Variants in AHDC1 observed in about 807,000 individuals in gnomAD.
AHDC1 encodes transcription factor Gibbin.
AHDC1 carries 7 observed loss-of-function variants against 87.9 expected under a neutral mutation model. That is an observed-to-expected ratio of 0.08 (90% CI 0.05 to 0.15). AHDC1 has a LOEUF of 0.15. AHDC1 is among the 10% of genes least tolerant of loss of function. AHDC1 has a pLI of 1.00. For missense variants in AHDC1, 1,841 were observed against 2,253.2 expected, an observed-to-expected ratio of 0.82 and a Z score of 3.70; for synonymous variants, 1,051 against 1,006.8, an observed-to-expected ratio of 1.04 and a Z score of -0.83.
rs1465367577 is a variant in AHDC1 at position 27,598,071 on chromosome 1, C to T, written c.-629+5326G>A. ...GTTAGTCCTTCCAAGGGTGCCCACT[C>T]GCTCCCCAAGGCACCCTCCCCCAGG... On this transcript the variant is annotated intron_variant, in intron 3 of 8. Coordinates refer to ENST00000673934, the MANE Select transcript of AHDC1 (RefSeq NM_001371928.1). This position sits in a 1 kb window ranked among gnomAD's most constrained non-coding sequence, Gnocchi z 4.2. Among the ~76,000 whole-genome samples, 3 of 152,188 alleles carry T rather than the reference C, an allele frequency of 2.0e-5. No homozygotes were observed. The highest frequency in any genetic ancestry group is 6.5e-5 in the Admixed American group (1 of 15,282).
intron 8 of AHDC1, among the ~76,000 whole-genome samples, chr1:27,545,534 A>G (rs563071727): frequency 1.3e-5 from 2 of 151,484 alleles, no homozygotes; most frequent in South Asian, 2.1e-4. Context: ...GCCTGGGAGG[A>G]ACGGTTTTTG....
intron 5 of AHDC1, among the ~76,000 whole-genome samples, chr1:27,555,529 T>A (rs188465657): frequency 1.2e-3 from 180 of 152,260 alleles, no homozygotes; most frequent in African/African-American, 3.2e-3. Context: ...ACCTGGCCCC[T>A]CCCAGGTCAG....
At chr1:27,597,142 T>TG (rs1370139331) in intron 3 of AHDC1, among the ~76,000 whole-genome samples, 3 of 151,906 alleles carry the variant, frequency 2.0e-5, no homozygotes, top group African/African-American at 7.3e-5. Context: ...GGTTAGAGTA[T>TG]GGGGGTGGGG....
chr1:27,579,087 C>G (rs530964586), intron 3 of AHDC1, among the ~76,000 whole-genome samples: 2 of 149,558 alleles, frequency 1.3e-5, no homozygotes, highest in African/African-American at 2.5e-5. Flanking sequence ...CTTTGTCACT[C>G]AGGCTAGAGT....
At chr1:27,599,586 C>T (rs764961589) in intron 3 of AHDC1, among the ~76,000 whole-genome samples, 5 of 152,226 alleles carry the variant, frequency 3.3e-5, no homozygotes, top group Non-Finnish European at 7.3e-5. Flanking sequence ...GAGCAAGTGG[C>T]TCCTCTCCCT....
intron 3 of AHDC1, among the ~76,000 whole-genome samples, chr1:27,570,308 C>T (rs1333029944): frequency 6.6e-6 from 1 of 152,032 alleles, no homozygotes; most frequent in Non-Finnish European, 1.5e-5. Context: ...GGCAGCTTCC[C>T]ACACCCCTCC....
chr1:27,585,546 G>C (rs2089029278), intron 3 of AHDC1, among the ~76,000 whole-genome samples: 1 of 152,228 alleles, frequency 6.6e-6, no homozygotes, highest in Non-Finnish European at 1.5e-5. Flanking sequence ...CCTAGCTCTA[G>C]AAAGGTTCCT....
rs1278487824 is a variant in AHDC1 at position 27,603,713 on chromosome 1, C to T, written c.-727+15G>A. On this transcript the variant is annotated intron_variant, in intron 2 of 8. Transcript: ENST00000673934. ...GCCCTGGACACCCCCGCCCCCACCC[C>T]CCCCAATAGCAAACCTGGGAGGGAA... 1 of 149,616 alleles carries T rather than the reference C, an allele frequency of 6.7e-6. No homozygotes were observed. The highest frequency in any genetic ancestry group is 2.5e-5 in the African/African-American group (1 of 40,484). The allele number at this position is 149,616 out of a possible 1,614,324, so 9.3% of individuals were successfully genotyped here. A position where few individuals can be genotyped will look rare whatever the true frequency, so the allele number is the denominator to read the frequency against.
Position 27,549,593 on chromosome 1 carries a change from G to C in AHDC1, c.2523C>G (p.Arg841=). Residue 841 remains arginine (R), a synonymous_variant, in exon 8 of 9, where the codon CGC becomes CGG. Transcript: ENST00000673934. ...AGGAGTCATCCGAATCGAGCAGCGA[G>C]CGAAAGTAGCCGGTGAAGAGGTTTT... ...ERQNLFTGYF[R]SLLDSDDSSD... is the part of the protein sequence containing the mutation. 1 of 1,613,144 alleles carries C rather than the reference G, an allele frequency of 6.2e-7. No homozygotes were observed. Among genetic ancestry groups the C allele is most frequent in the Non-Finnish European group, 8.5e-7 (1 of 1,180,004 alleles).
chr1:27,576,908 C>A (rs1388322785), intron 3 of AHDC1, among the ~76,000 whole-genome samples: 2 of 152,120 alleles, frequency 1.3e-5, no homozygotes, highest in East Asian at 3.9e-4. Flanking sequence ...TCTAGCACCT[C>A]ACACACACAC....
rs764818484 is a variant in AHDC1 at position 27,550,322 on chromosome 1, C to T, written c.1794G>A (p.Gln598=). Residue 598 remains glutamine (Q), a synonymous_variant, in exon 8 of 9, where the codon CAG becomes CAA. Coordinates refer to ENST00000673934, the MANE Select transcript of AHDC1 (RefSeq NM_001371928.1). ...RRRKQKLASP[Q]PSYAADANDS... Reference sequence around the variant, plus strand: ...CGTTGGCGTCTGCTGCATAGGATGGCTGGGGAGATGCCAGCTTCTGCTTCC... The same window carrying T: ...CGTTGGCGTCTGCTGCATAGGATGGTTGGGGAGATGCCAGCTTCTGCTTCC... 1.4e-5 allele frequency: 22 copies of T among 1,613,988 alleles called. No homozygotes were observed. The highest frequency in any genetic ancestry group is 1.7e-5 in the Non-Finnish European group (20 of 1,179,994).
In AHDC1 at chr1:27,590,824, G is replaced by A. The variant is rs778972213; in HGVS notation, c.-629+12573C>T. On this transcript the variant is annotated intron_variant, in intron 3 of 8. Coordinates refer to ENST00000673934, the MANE Select transcript of AHDC1 (RefSeq NM_001371928.1). This position sits in a 1 kb window ranked among gnomAD's most constrained non-coding sequence, Gnocchi z 5.4. ...CTGCAGCTCTTTCTTTCTCGTGGGAGGGTGCAATTTCCGGAGGGGATGAGC... is the reference window on the plus strand; with the variant it reads ...CTGCAGCTCTTTCTTTCTCGTGGGAAGGTGCAATTTCCGGAGGGGATGAGC... 6.6e-6 allele frequency among the ~76,000 whole-genome samples: 1 copy of A among 152,178 alleles called. No homozygotes were observed. The highest frequency in any genetic ancestry group is 2.4e-5 in the African/African-American group (1 of 41,422).
chr1:27,548,785 G>A lies in AHDC1; in HGVS notation c.3331C>T (p.Arg1111Trp), dbSNP rs1018122413. 9.3e-6 allele frequency: 15 copies of A among 1,612,860 alleles called. No individual in the cohort carries two copies. The highest frequency in any genetic ancestry group is 2.2e-5 in the East Asian group (1 of 44,898). ...CAGTCCAGGCCTCCATAGCCCTGCCGGAAAGGCCACTGAGAAGCCCCCGCA... is the reference window on the plus strand; with the variant it reads ...CAGTCCAGGCCTCCATAGCCCTGCCAGAAAGGCCACTGAGAAGCCCCCGCA... ...QFAGASQWPF[R>W]QGYGGLDWAS... Residue 1111 changes from arginine to tryptophan, a missense_variant, in exon 8 of 9, where the codon CGG becomes TGG. Physicochemically the swap from Arg to Trp is moderately radical, Grantham distance 101 (BLOSUM62 -3). Transcript: ENST00000673934.
At chr1:27,602,526 C>T (rs556902362) in intron 3 of AHDC1, among the ~76,000 whole-genome samples, 2 of 152,252 alleles carry the variant, frequency 1.3e-5, no homozygotes, top group South Asian at 4.2e-4. Context: ...AGCCCCCTGC[C>T]CCTCTGGCTC....
At chr1:27,566,332 C>A (rs1420059288) in intron 3 of AHDC1, among the ~76,000 whole-genome samples, 2 of 149,314 alleles carry the variant, frequency 1.3e-5, no homozygotes, top group Non-Finnish European at 3.0e-5. Flanking sequence ...GAGAGGGCGA[C>A]CATGCCAGAG....
At chr1:27,602,457 G>C (rs1214274128) in intron 3 of AHDC1, among the ~76,000 whole-genome samples, 2 of 152,246 alleles carry the variant, frequency 1.3e-5, no homozygotes, top group East Asian at 3.9e-4. Context: ...CCCAAACTCT[G>C]GGTTGCTGTC....
rs1445780957 is a variant in AHDC1, at chr1:27,549,333, C to T, written c.2783G>A (p.Ser928Asn). 3.1e-6 allele frequency: 5 copies of T among 1,611,008 alleles called. No homozygotes were observed. The highest frequency in any genetic ancestry group is 1.1e-5 in the South Asian group (1 of 90,940). ...TGAAGCGGCTGGAGTTAGCCCATAGCTTGCTGCTCGTCCTGGTGGGAAGGT... is the reference window on the plus strand; with the variant it reads ...TGAAGCGGCTGGAGTTAGCCCATAGTTTGCTGCTCGTCCTGGTGGGAAGGT... ...RQTFPPGRAA[S>N]YGLTPAASDC... Residue 928 changes from serine to asparagine, a missense_variant, in exon 8 of 9, where the codon AGC becomes AAC. Physicochemically the swap from Ser to Asn is conservative, Grantham distance 46 (BLOSUM62 1). Coordinates refer to ENST00000673934, the MANE Select transcript of AHDC1 (RefSeq NM_001371928.1).
chr1:27,558,823 C>G lies in AHDC1; in HGVS notation c.-568G>C. 1 of 398,708 alleles carries G rather than the reference C, an allele frequency of 2.5e-6. No homozygotes were observed. Among genetic ancestry groups the G allele is most frequent in the Non-Finnish European group, 4.4e-6 (1 of 226,102 alleles). 24.7% of individuals were successfully genotyped at this position (398,708 alleles called of 1,614,324 possible). ...CCCCGCACTCGGGGCCCTCTGCACA[C>G]GCTCAACTGGGTGGGCTCTGGGGTC... is the stretch of plus-strand genomic sequence containing the variant. On this transcript the variant is annotated 5_prime_UTR_variant, in exon 4 of 9. Transcript: ENST00000673934. This position sits in a 1 kb window ranked among gnomAD's most constrained non-coding sequence, Gnocchi z 5.6.
intron 8 of AHDC1, among the ~76,000 whole-genome samples, chr1:27,545,639 T>G (rs777595182): frequency 6.6e-6 from 1 of 151,956 alleles, no homozygotes; most frequent in African/African-American, 2.4e-5. Flanking sequence ...AGTTTCTCCC[T>G]GGCCTGCTTC....
Sources: allele counts gnomAD v4.1 joint callset (sites outside exome capture counted in the v4.1 genomes callset), GRCh38; gene constraint gnomAD v4.1.1; non-coding constraint Gnocchi (gnomAD v3.1); transcripts MANE v1.5; gene names NCBI Gene and HGNC (gene_info 2026-07-23, HGNC 2026-07-21).